CFAP299: variants seen among roughly 807,000 people sequenced by gnomAD.
CFAP299 encodes cilia- and flagella-associated protein 299.
In CFAP299, 21 loss-of-function variants were observed where a neutral mutation model predicts 27.0. The ratio of observed to expected loss-of-function variants is 0.78; its 90% CI spans 0.55 to 1.12. The LOEUF (loss-of-function observed/expected upper bound fraction) is 1.12. CFAP299 is among the 50% of genes most tolerant of loss of function. The pLI, the probability that CFAP299 is intolerant of heterozygous loss-of-function variation, is 0.00. For synonymous variants in CFAP299, 104 were observed against 98.1 expected (o/e 1.06, Z -0.36); for missense variants, 310 against 276.6 (o/e 1.12, Z -0.86).
chr4:80,577,662 A>G (rs1342275431), intron 2 of CFAP299, among the ~76,000 whole-genome samples: 1 of 152,150 alleles, frequency 6.6e-6, no homozygotes, highest in Non-Finnish European at 1.5e-5. Flanking sequence ...CGGCCTCGCA[A>G]AATGCTGGGA....
chr4:80,342,429 G>A (rs1722502050), intron 1 of CFAP299, among the ~76,000 whole-genome samples: 1 of 152,130 alleles, frequency 6.6e-6, no homozygotes, highest in Non-Finnish European at 1.5e-5. Context: ...GAAAGGCCAG[G>A]TCACCTACAA....
rs150930246 is a variant in CFAP299 at position 80,917,409 on chromosome 4, A to G, written c.477-27401A>G. ...TACTAAAAGGAAAACTAATAATTAC[A>G]TTTATTTTAGATTTTGAATGCCTTT... On this transcript the variant is annotated intron_variant, in intron 4 of 5. Coordinates refer to ENST00000358105, the MANE Select transcript of CFAP299 (RefSeq NM_152770.3). Among the ~76,000 whole-genome samples, 79 of 152,270 alleles carry G rather than the reference A, an allele frequency of 5.2e-4. No individual in the cohort carries two copies. The East Asian group carries it at 0.014, about 27-fold the overall frequency.
At chr4:80,911,191 A>T (rs935982937) in intron 4 of CFAP299, among the ~76,000 whole-genome samples, 5 of 150,076 alleles carry the variant, frequency 3.3e-5, no homozygotes, top group African/African-American at 1.2e-4. Flanking sequence ...CTTTATTTCA[A>T]AGTTTTACAT....
intron 3 of CFAP299, among the ~76,000 whole-genome samples, chr4:80,753,097 TG>T (rs1270110755): frequency 6.6e-6 from 1 of 152,114 alleles, no homozygotes; most frequent in Non-Finnish European, 1.5e-5. Flanking sequence ...TTTGTTAATT[TG>T]TGTAGGTCTA....
chr4:80,345,626 AG>A, intron 1 of CFAP299, among the ~76,000 whole-genome samples: 1 of 152,268 alleles, frequency 6.6e-6, no homozygotes, highest in East Asian at 1.9e-4. Context: ...ATGGCTGCAT[AG>A]TATTCCATGG....
At chr4:80,484,919 C>A (rs1355771724) in intron 2 of CFAP299, among the ~76,000 whole-genome samples, 1 of 152,026 alleles carries the variant, frequency 6.6e-6, no homozygotes, top group Non-Finnish European at 1.5e-5. Context: ...TATAGAAAAA[C>A]CTCAGCTGTA....
intron 1 of CFAP299, among the ~76,000 whole-genome samples, chr4:80,355,306 T>C (rs967666240): frequency 6.6e-6 from 1 of 152,056 alleles, no homozygotes; most frequent in African/African-American, 2.4e-5. Flanking sequence ...TAAAATGTGA[T>C]TGTTGGTCAC....
chr4:80,390,914 T>TACACACATATGTATATATGTATAC lies in CFAP299; in HGVS notation c.242+28053_242+28054insCACACACATATGTATATATGTATA, dbSNP rs1560543987. 1.3e-4 allele frequency among the ~76,000 whole-genome samples: 9 copies of TACACACATATGTATATATGTATAC among 67,458 alleles called. 2 individuals are homozygous for TACACACATATGTATATATGTATAC. Among genetic ancestry groups the TACACACATATGTATATATGTATAC allele is most frequent in the African/African-American group, 2.4e-4 (7 of 29,634 alleles). The allele number at this position is 67,458 out of a possible 152,430, so 44.3% of individuals were successfully genotyped here. On this transcript the variant is annotated intron_variant, in intron 2 of 5. Transcript: ENST00000358105. ...ATACACACATATGCATATATGTATA[T>TACACACATATGTATATATGTATAC]ACACACATATGTATATATGTATATA...
chr4:80,947,053 G>T (rs1737512700), intron 5 of CFAP299, among the ~76,000 whole-genome samples: 2 of 151,996 alleles, frequency 1.3e-5, no homozygotes. Flanking sequence ...CAGTCTTTGG[G>T]GAATCATTAT....
chr4:80,637,469 T>C (rs1312680265), intron 3 of CFAP299, among the ~76,000 whole-genome samples: 1 of 152,208 alleles, frequency 6.6e-6, no homozygotes, highest in Non-Finnish European at 1.5e-5. Flanking sequence ...CTAAGACAGT[T>C]GCTATCGGTG....
intron 4 of CFAP299, among the ~76,000 whole-genome samples, chr4:80,897,509 C>T (rs573126609): frequency 6.6e-6 from 1 of 152,276 alleles, no homozygotes; most frequent in East Asian, 1.9e-4. Context: ...TTCACAACAT[C>T]ACTGGGAGGA....
rs138811550 is a variant in CFAP299 at position 80,814,544 on chromosome 4, G to A, written c.334-55449G>A. On this transcript the variant is annotated intron_variant, in intron 3 of 5. Transcript: ENST00000358105. The stretch of plus-strand genomic sequence containing the variant: ...AACTCCCTAGTGGGTTTTTGTGTTC[G>A]TATGATTCTTTTTTTCTAAGACTCC... 3.5e-4 allele frequency among the ~76,000 whole-genome samples: 53 copies of A among 151,954 alleles called. 1 individual carries two copies. In the East Asian group the frequency reaches 0.01, roughly 29 times the overall value.
intron 2 of CFAP299, among the ~76,000 whole-genome samples, chr4:80,477,368 T>C (rs1476782937): frequency 2.6e-5 from 4 of 152,160 alleles, no homozygotes; most frequent in Non-Finnish European, 4.4e-5. Context: ...ACCCCACCTC[T>C]GCTTCTTGAT....
chr4:80,350,693 A>G (rs1239942853), intron 1 of CFAP299, among the ~76,000 whole-genome samples: 1 of 152,188 alleles, frequency 6.6e-6, no homozygotes, highest in Non-Finnish European at 1.5e-5. Flanking sequence ...ACAGAAAACC[A>G]AACACCACAT....
chr4:80,334,499 A>G (rs1010280004), upstream of CFAP299, among the ~76,000 whole-genome samples: 2 of 151,968 alleles, frequency 1.3e-5, no homozygotes, highest in African/African-American at 4.8e-5. Context: ...TCTGGTCTTG[A>G]ACTCCTGACC....
chr4:80,396,821 G>T (rs1725823151), intron 2 of CFAP299, among the ~76,000 whole-genome samples: 1 of 152,164 alleles, frequency 6.6e-6, no homozygotes, highest in Admixed American at 6.5e-5. Flanking sequence ...GTTCATCAGA[G>T]ATATTGGTCT....
At chr4:80,543,442 A>G (rs1734095082) in intron 2 of CFAP299, among the ~76,000 whole-genome samples, 1 of 152,256 alleles carries the variant, frequency 6.6e-6, no homozygotes, top group Non-Finnish European at 1.5e-5. Flanking sequence ...GTTGAAACCC[A>G]ATCCAGGGAA....
intron 2 of CFAP299, among the ~76,000 whole-genome samples, chr4:80,534,339 A>G (rs1399173537): frequency 2.0e-5 from 3 of 151,538 alleles, no homozygotes; most frequent in Non-Finnish European, 4.4e-5. Context: ...AAAACAACCA[A>G]AATTTTCCTA....
intron 3 of CFAP299, among the ~76,000 whole-genome samples, chr4:80,614,133 C>T (rs543053564): frequency 1.5e-4 from 23 of 152,238 alleles, no homozygotes; most frequent in African/African-American, 5.5e-4. Flanking sequence ...CATAACAAGT[C>T]ACCTATTTTC....
Sources: gnomAD v4.1 joint callset for allele counts (sites outside exome capture counted in the v4.1 genomes callset) on GRCh38, gnomAD v4.1.1 for gene constraint, MANE v1.5 for transcripts, NCBI Gene and HGNC (gene_info 2026-07-23, HGNC 2026-07-21) for gene names.